Variants in TUBB8 observed in about 807,000 individuals in gnomAD.
The protein encoded by TUBB8 is tubulin beta 8 class VIII.
A neutral mutation model predicts 33.7 loss-of-function variants in TUBB8; 25 were observed. The ratio of observed to expected loss-of-function variants is 0.74; its 90% CI spans 0.54 to 1.04. TUBB8 has a LOEUF of 1.04. TUBB8 is among the 50% of genes least tolerant of loss of function. TUBB8 has a pLI of 0.00. For missense variants in TUBB8, 279 were observed against 608.0 expected, an observed-to-expected ratio of 0.46 and a Z score of 5.69; for synonymous variants, 245 against 240.1, an observed-to-expected ratio of 1.02 and a Z score of -0.19.
chr10:60,807 C>G (rs1176931211), intron 1 of TUBB8, among the ~76,000 whole-genome samples: 2 of 151,942 alleles, frequency 1.3e-5, no homozygotes, highest in African/African-American at 4.8e-5. Context: ...TTCACAATAG[C>G]AAAGACTTGG....
rs554178785 is a variant in TUBB8 at position 57,726 on chromosome 10, C to T, written c.-845-7493G>A. Among the ~76,000 whole-genome samples, 8 of 152,330 alleles carry T rather than the reference C, an allele frequency of 5.3e-5. No homozygotes were observed. The East Asian group carries it at 1.5e-3, about 29-fold the overall frequency. ...CCAGAAACTATTCTCTTCTTTTAGG[C>T]CTCAGGGTCTGTGATGGGGGGCTGC... On this transcript the variant is annotated intron_variant, in intron 1 of 3. Coordinates refer to the TUBB8 transcript ENST00000564130.
chr10:62,547 T>C (rs1228492785), intron 1 of TUBB8, among the ~76,000 whole-genome samples: 3 of 152,282 alleles, frequency 2.0e-5, no homozygotes, highest in Non-Finnish European at 4.4e-5. Flanking sequence ...TACCATCTTA[T>C]AATATTCTGT....
upstream of TUBB8, among the ~76,000 whole-genome samples, chr10:76,002 G>C (rs1834808268): frequency 6.6e-6 from 1 of 151,902 alleles, no homozygotes; most frequent in Non-Finnish European, 1.5e-5. Context: ...AGCTGGGCGT[G>C]ATGGCGGGTC....
chr10:48,922 A>G lies in TUBB8; in HGVS notation c.58-10T>C. 2.0e-6 allele frequency: 3 copies of G among 1,469,134 alleles called. No individual in the cohort carries two copies. The highest frequency in any genetic ancestry group is 2.8e-6 in the Non-Finnish European group (3 of 1,080,756). 91.0% of individuals were successfully genotyped at this position (1,469,134 alleles called of 1,614,324 possible). On this transcript the variant is annotated splice_polypyrimidine_tract_variant and intron_variant, in intron 1 of 3. Coordinates refer to ENST00000568584, the MANE Select transcript of TUBB8 (RefSeq NM_177987.3). Reference sequence around the variant, plus strand: ...AGATCACCTCCCAGAACTGCAAGAGACGGGAGGAGACAGACAGGCCGGGGC... The same window carrying G: ...AGATCACCTCCCAGAACTGCAAGAGGCGGGAGGAGACAGACAGGCCGGGGC...
At chr10:48,487 G>C (rs1467239403) in intron 3 of TUBB8, 128 bp downstream of exon 3, 4 of 909,560 alleles carry the variant, frequency 4.4e-6, no homozygotes, top group Non-Finnish European at 7.1e-6. Flanking sequence ...TGAGCGACTC[G>C]ACTCGGAGGA....
At chr10:71,081 G>A (rs1834729891) in intron 1 of TUBB8, among the ~76,000 whole-genome samples, 1 of 152,156 alleles carries the variant, frequency 6.6e-6, no homozygotes, top group South Asian at 2.1e-4. Context: ...GGAGGACAAG[G>A]CGGGCAGATC....
chr10:74,092 G>GGAGGACCCCCCGTCCTCACA, exon 1 of TUBB8: 1 of 147,644 alleles, frequency 6.8e-6, no homozygotes, highest in African/African-American at 2.7e-5. Flanking sequence ...CCGTCCTCAC[G>GGAGGACCCCCCGTCCTCACA]GTGGACCCCC....
chr10:71,191 T>A (rs552874448), intron 1 of TUBB8, among the ~76,000 whole-genome samples: 1 of 152,194 alleles, frequency 6.6e-6, no homozygotes, highest in East Asian at 1.9e-4. Flanking sequence ...GGCACACACT[T>A]GTAGTCCCAG....
intron 1 of TUBB8, among the ~76,000 whole-genome samples, chr10:59,926 G>T (rs1273101387): frequency 6.6e-6 from 1 of 151,998 alleles, no homozygotes. Flanking sequence ...ATTACTTATA[G>T]TAGCCACTAA....
chr10:75,185 A>ATT (rs111910470), upstream of TUBB8, among the ~76,000 whole-genome samples: 1,636 of 147,862 alleles, frequency 0.011, 41 homozygotes, highest in African/African-American at 0.033. Flanking sequence ...GCCCAGCCAA[A>ATT]TTTTTTTTTT....
intron 1 of TUBB8, among the ~76,000 whole-genome samples, chr10:65,339 C>T (rs1554741443): frequency 6.6e-6 from 1 of 152,242 alleles, no homozygotes; most frequent in East Asian, 1.9e-4. Flanking sequence ...CATACCCAAT[C>T]CCATCCGCAA....
chr10:60,934 G>C (rs1554740759), intron 1 of TUBB8, among the ~76,000 whole-genome samples: 1 of 152,074 alleles, frequency 6.6e-6, no homozygotes, highest in Non-Finnish European at 1.5e-5. Flanking sequence ...TAGGGACATG[G>C]ATGAAACTGG....
chr10:75,476 G>A (rs1467942804), upstream of TUBB8, among the ~76,000 whole-genome samples: 2 of 151,306 alleles, frequency 1.3e-5, no homozygotes, highest in African/African-American at 2.4e-5. Context: ...CCCACATGAG[G>A]ACACCCCATC....
rs1208436307 is a variant in TUBB8 at position 48,083 on chromosome 10, C to T, written c.309G>A (p.Lys103=). The T allele has an allele frequency of 1.1e-5, 18 of 1,613,800 alleles. No homozygotes were observed. The highest frequency in any genetic ancestry group is 3.3e-5 in the Admixed American group (2 of 59,992). The change falls in exon 4 of 4, where the codon AAG becomes AAA. Residue 103 remains lysine, a synonymous_variant. Transcript: ENST00000568584. The part of the protein sequence containing the change: ...GQCGAGNNWA[K]GHYTEGAELM... ...GCTCCGCGCCTTCGGTGTAGTGTCC[C>T]TTGGCCCAGTTGTTTCCGGCCCCAC...
intron 1 of TUBB8, among the ~76,000 whole-genome samples, chr10:54,633 T>C (rs577592648): frequency 6.6e-6 from 1 of 152,370 alleles, no homozygotes; most frequent in African/African-American, 2.4e-5. Flanking sequence ...CTTATTTTCA[T>C]AAATGTCCAA....
At chr10:71,557 G>A (rs1369316113) in intron 1 of TUBB8, among the ~76,000 whole-genome samples, 1 of 150,370 alleles carries the variant, frequency 6.7e-6, no homozygotes, top group Non-Finnish European at 1.5e-5. Flanking sequence ...GGAGTCAGAG[G>A]TTGCAGTGAG....
upstream of TUBB8, among the ~76,000 whole-genome samples, chr10:50,455 C>T (rs200624848): frequency 6.0e-5 from 9 of 151,064 alleles, no homozygotes; most frequent in African/African-American, 1.2e-4. Context: ...AGCACGCCCA[C>T]AAGCTTCATT....
chr10:63,579 C>T (rs1199530969), intron 1 of TUBB8, among the ~76,000 whole-genome samples: 2 of 152,096 alleles, frequency 1.3e-5, no homozygotes, highest in African/African-American at 4.8e-5. Flanking sequence ...TTTTAAGTAA[C>T]TCTGATGCAT....
upstream of TUBB8, among the ~76,000 whole-genome samples, chr10:74,625 C>CAAAAAAAAAAAAAAAAGAAAAA (rs1834784586): frequency 1.1e-5 from 1 of 89,674 alleles, no homozygotes. Context: ...GACTCAGTAT[C>CAAAAAAAAAAAAAAAAGAAAAA]AAAAAAAAAA....
Sources: gnomAD v4.1 joint callset for allele counts (sites outside exome capture counted in the v4.1 genomes callset) on GRCh38, gnomAD v4.1.1 for gene constraint, MANE v1.5 for transcripts, NCBI Gene and HGNC (gene_info 2026-07-23, HGNC 2026-07-21) for gene names.